The following TMEM192 variants were observed in gnomAD, a reference collection of about 807,000 sequenced individuals.
The protein encoded by TMEM192 is transmembrane protein 192.
In TMEM192, 20 loss-of-function variants were observed where a neutral mutation model predicts 26.7. The observed-to-expected ratio is 0.75, with a 90% CI of 0.53 to 1.09. TMEM192 has a LOEUF of 1.09. Ranked by LOEUF, TMEM192 falls within the 50% of genes least tolerant of loss-of-function variation. The pLI is 0.00. For missense variants in TMEM192, 304 were observed against 322.6 expected (o/e 0.94, Z 0.44); for synonymous variants, 124 against 121.0 (o/e 1.02, Z -0.16).
chr4:165,096,286 T>C (rs1480533993), intron 3 of TMEM192, among the ~76,000 whole-genome samples: 4 of 151,908 alleles, frequency 2.6e-5, no homozygotes, highest in African/African-American at 9.7e-5. Flanking sequence ...TGCGTGCCTG[T>C]AGTCTAGCCT....
rs1734374918 is a variant in TMEM192, at chr4:165,076,127, T to C, written c.*3531A>G. The C allele has an allele frequency of 6.6e-6, 1 of 152,202 alleles. No individual in the cohort carries two copies. 9.4% of individuals were successfully genotyped at this position (152,202 alleles called of 1,614,324 possible). A position where few individuals can be genotyped will look rare whatever the true frequency, so the allele number is the denominator to read the frequency against. ...TTTATATTTTTCCATATTGCCATTT[T>C]TTAAAAAATGAGCTTTTAACTTTAT... On this transcript the variant is annotated 3_prime_UTR_variant, in exon 6 of 6. Coordinates refer to ENST00000306480, the MANE Select transcript of TMEM192 (RefSeq NM_001100389.2).
At chr4:165,092,166 G>C (rs1355285211) in intron 3 of TMEM192, among the ~76,000 whole-genome samples, 2 of 124,100 alleles carry the variant, frequency 1.6e-5, no homozygotes, top group Non-Finnish European at 3.2e-5. Flanking sequence ...CTGCTGCCCA[G>C]GCTGGAGTGC....
Position 165,079,464 on chromosome 4 carries a change from A to T in TMEM192, c.*194T>A, listed in dbSNP as rs1734468436. 2.0e-6 allele frequency: 1 copy of T among 506,872 alleles called. No homozygotes were observed. The highest frequency in any genetic ancestry group is 3.4e-6 in the Non-Finnish European group (1 of 295,116). 31.4% of individuals were successfully genotyped at this position (506,872 alleles called of 1,614,324 possible). The stretch of plus-strand genomic sequence containing the variant: ...CCCCTCAAGTTATCCGGGCTTCTAC[A>T]GGTACTTTTCAAGTGACCCACAAGC... On this transcript the variant is annotated 3_prime_UTR_variant, in exon 6 of 6. Coordinates refer to ENST00000306480, the MANE Select transcript of TMEM192 (RefSeq NM_001100389.2).
chr4:165,088,065 A>G (rs1239195186), intron 4 of TMEM192, among the ~76,000 whole-genome samples: 3 of 152,072 alleles, frequency 2.0e-5, no homozygotes, highest in African/African-American at 7.2e-5. Flanking sequence ...GTGCACCACC[A>G]TACCTGGCTA....
At chr4:165,094,152 T>A (rs1171126184) in intron 3 of TMEM192, among the ~76,000 whole-genome samples, 1 of 152,006 alleles carries the variant, frequency 6.6e-6, no homozygotes, top group Non-Finnish European at 1.5e-5. Context: ...CTGCCCGCCT[T>A]GGCCTCCCAA....
At chr4:165,090,213 GA>G (rs35732863) in intron 3 of TMEM192, among the ~76,000 whole-genome samples, 923 of 52,074 alleles carry the variant, frequency 0.018, no homozygotes, top group South Asian at 0.052. Context: ...CTCCGTCTTG[GA>G]AAAAAAAAAA....
At chr4:165,105,140 T>A (rs1400845409) in intron 1 of TMEM192, among the ~76,000 whole-genome samples, 1 of 152,178 alleles carries the variant, frequency 6.6e-6, no homozygotes, top group Non-Finnish European at 1.5e-5. Flanking sequence ...CTCTTACTTA[T>A]CTCTTCTCCA....
At position 165,074,244 on chromosome 4, in the gene TMEM192, T is replaced by G. The variant is rs998499971; in HGVS notation, c.*5414A>C. 6.6e-6 allele frequency: 1 copy of G among 152,008 alleles called. No homozygotes were observed. The highest frequency in any genetic ancestry group is 2.4e-5 in the African/African-American group (1 of 41,368). The allele number at this position is 152,008 out of a possible 1,614,324, so 9.4% of individuals were successfully genotyped here. A position where few individuals can be genotyped will look rare whatever the true frequency, so the allele number is the denominator to read the frequency against. On this transcript the variant is annotated 3_prime_UTR_variant, in exon 6 of 6. Transcript: ENST00000306480. ...GCCAAGAACAGTTTCAGTAGAGTAG[T>G]AGAGTGAAAGGTGAGACTGGATAGA...
rs1734677643 is a variant in TMEM192 at position 165,088,481 on chromosome 4, G to A, written c.561C>T (p.Leu187=). Residue 187 remains leucine (L), a synonymous_variant, in exon 4 of 6, where the codon CTC becomes CTT. Coordinates refer to ENST00000306480, the MANE Select transcript of TMEM192 (RefSeq NM_001100389.2). ...TGTAATTCTCACCTGTGTAAATGAG[G>A]AGACATATCAGGGAACAGATGAGTT... ...ALELICSLIC[L]LIYTVKIRRF... 1.9e-6 allele frequency: 3 copies of A among 1,613,260 alleles called. No individual in the cohort carries two copies. The African/African-American group carries it at 4.0e-5, about 22-fold the overall frequency.
At chr4:165,112,257 T>C (rs747570513) in intron 1 of TMEM192, among the ~76,000 whole-genome samples, 2 of 152,162 alleles carry the variant, frequency 1.3e-5, no homozygotes, top group Non-Finnish European at 2.9e-5. Flanking sequence ...CCGAGCGTCG[T>C]TGTCACTCCA....
intron 5 of TMEM192, among the ~76,000 whole-genome samples, chr4:165,084,937 T>C (rs1734576031): frequency 6.6e-6 from 1 of 150,904 alleles, no homozygotes; most frequent in South Asian, 2.1e-4. Flanking sequence ...AGCCCAGGAG[T>C]TTGAGGCCAG....
intron 4 of TMEM192, among the ~76,000 whole-genome samples, chr4:165,086,840 A>T (rs1487064337): frequency 6.8e-6 from 1 of 146,676 alleles, no homozygotes; most frequent in Non-Finnish European, 1.5e-5. Context: ...CAGGCTGGGC[A>T]TGGTGGCTCA....
chr4:165,105,157 G>A (rs757027576), intron 1 of TMEM192, among the ~76,000 whole-genome samples: 10 of 152,042 alleles, frequency 6.6e-5, no homozygotes, highest in Non-Finnish European at 1.2e-4. Flanking sequence ...TCCACTAGAC[G>A]TCATTGGACC....
intron 4 of TMEM192, among the ~76,000 whole-genome samples, chr4:165,087,210 ACAAT>A (rs1734641227): frequency 1.3e-5 from 2 of 152,226 alleles, no homozygotes; most frequent in Non-Finnish European, 2.9e-5. Context: ...GAAGCTGTTA[ACAAT>A]CAGAGTTAAG....
intron 4 of TMEM192, among the ~76,000 whole-genome samples, chr4:165,086,089 A>G (rs111534581): frequency 0.014 from 2,170 of 152,278 alleles, 24 homozygotes; most frequent in African/African-American, 0.022. Flanking sequence ...ACATTCTAAG[A>G]CAGTATGGAA....
chr4:165,112,800 G>A lies in TMEM192; in HGVS notation c.-27C>T. 3 of 1,603,368 alleles carry A rather than the reference G, an allele frequency of 1.9e-6. No homozygotes were observed. The highest frequency in any genetic ancestry group is 2.5e-6 in the Non-Finnish European group (3 of 1,178,232). ...TCCCGACGCCGGAGGCCGAAGCCCT[G>A]GCCAGCCCGGCCTCTCCACCTGGAC... On this transcript the variant is annotated 5_prime_UTR_variant, in exon 1 of 6. Transcript: ENST00000306480.
At position 165,074,441 on chromosome 4, in the gene TMEM192, T is replaced by G. The variant is rs573223846; in HGVS notation, c.*5217A>C. On this transcript the variant is annotated 3_prime_UTR_variant, in exon 6 of 6. Transcript: ENST00000306480. ...AGATGTGAGTTTTGTATTCAAGATTTATTTATTTATTTATTTATTTATTGA... is the reference window on the plus strand; with the variant it reads ...AGATGTGAGTTTTGTATTCAAGATTGATTTATTTATTTATTTATTTATTGA... 2 of 152,072 alleles carry G rather than the reference T, an allele frequency of 1.3e-5. No homozygotes were observed. Among genetic ancestry groups the G allele is most frequent in the South Asian group, 4.2e-4 (2 of 4,802 alleles). 9.4% of individuals were successfully genotyped at this position (152,072 alleles called of 1,614,324 possible). A position where few individuals can be genotyped will look rare whatever the true frequency, so the allele number is the denominator to read the frequency against.
At position 165,078,719 on chromosome 4, in the gene TMEM192, C is replaced by T. The variant is rs549416032; in HGVS notation, c.*939G>A. 4 of 152,362 alleles carry T rather than the reference C, an allele frequency of 2.6e-5. No individual in the cohort carries two copies. The East Asian group carries it at 7.7e-4, about 29-fold the overall frequency. 9.4% of individuals were successfully genotyped at this position (152,362 alleles called of 1,614,324 possible). A position where few individuals can be genotyped will look rare whatever the true frequency, so the allele number is the denominator to read the frequency against. The stretch of plus-strand genomic sequence containing the variant: ...GGTGCTGCCAATATAATAGGCAACA[C>T]AGGTTCGTCTAACACAGGTCGGTCT... On this transcript the variant is annotated 3_prime_UTR_variant, in exon 6 of 6. Transcript: ENST00000306480.
At chr4:165,084,542 C>A (rs1734564606) in intron 5 of TMEM192, among the ~76,000 whole-genome samples, 1 of 151,946 alleles carries the variant, frequency 6.6e-6, no homozygotes, top group Non-Finnish European at 1.5e-5. Flanking sequence ...ATGTCTGTTG[C>A]TATCCACTTC....
Sources: gnomAD v4.1 joint callset for allele counts (sites outside exome capture counted in the v4.1 genomes callset) on GRCh38, gnomAD v4.1.1 for gene constraint, MANE v1.5 for transcripts, NCBI Gene and HGNC (gene_info 2026-07-23, HGNC 2026-07-21) for gene names.